Variants in PAK1 observed in about 807,000 individuals in gnomAD.
PAK1 encodes serine/threonine-protein kinase PAK 1.
Under a neutral mutation model 67.4 loss-of-function variants are expected in PAK1, and 29 were observed. The observed-to-expected ratio is 0.43, with a 90% CI of 0.32 to 0.59. The LOEUF (loss-of-function observed/expected upper bound fraction) is 0.59, where lower values mean the gene tolerates loss of function less well. Ranked by LOEUF, PAK1 falls within the 20% of genes least tolerant of loss-of-function variation. The pLI is 0.07. For synonymous variants in PAK1, 223 were observed against 237.4 expected (o/e 0.94, Z 0.56); for missense variants, 337 against 670.7 (o/e 0.50, Z 5.50).
the PAK1 span, among the ~76,000 whole-genome samples, chr11:77,523,012 G>A: frequency 3.9e-5 from 6 of 152,104 alleles, no homozygotes; most frequent in Non-Finnish European, 8.8e-5. Flanking sequence ...AAGTGGGAGC[G>A]AAACACTGGG....
At chr11:77,325,177 C>G in intron 14 of PAK1, 1 of 777,470 alleles carries the variant, frequency 1.3e-6, no homozygotes, top group Middle Eastern at 3.5e-4. Context: ...ATTGGGAGGC[C>G]TCAGTTTCCT....
At chr11:77,524,157 A>G in the PAK1 span, among the ~76,000 whole-genome samples, 1 of 152,228 alleles carries the variant, frequency 6.6e-6, no homozygotes, top group African/African-American at 2.4e-5. Flanking sequence ...AAAGAATAAA[A>G]CATCGTTGGA....
At chr11:77,423,433 A>ACC (rs2138213609) in intron 1 of PAK1, among the ~76,000 whole-genome samples, 1 of 151,604 alleles carries the variant, frequency 6.6e-6, no homozygotes, top group East Asian at 1.9e-4. Flanking sequence ...ACACACACAC[A>ACC]CACACACACC....
chr11:77,379,432 G>C, intron 3 of PAK1, 44 bp from the exon 4 acceptor site: 4 of 1,578,014 alleles, frequency 2.5e-6, no homozygotes, highest in Middle Eastern at 2.2e-4. Flanking sequence ...CACAGTCACA[G>C]GGGAGCCTGA....
intron 5 of PAK1, among the ~76,000 whole-genome samples, chr11:77,363,374 G>T (rs965157751): frequency 6.6e-6 from 1 of 152,170 alleles, no homozygotes; most frequent in African/African-American, 2.4e-5. Flanking sequence ...AGATCAACTT[G>T]ATACTTTTCC....
intron 2 of PAK1, among the ~76,000 whole-genome samples, chr11:77,389,853 G>C (rs571448743): frequency 1.2e-4 from 19 of 152,198 alleles, no homozygotes; most frequent in Admixed American, 9.8e-4. Flanking sequence ...AATGTTTTTA[G>C]TTTTGATGAT....
chr11:77,430,906 G>A (rs972471322), intron 1 of PAK1, among the ~76,000 whole-genome samples: 1 of 152,234 alleles, frequency 6.6e-6, no homozygotes, highest in Non-Finnish European at 1.5e-5. Context: ...AAGGGGACAA[G>A]GGAGCAAAGC....
chr11:77,385,536 T>C (rs1343705983), intron 2 of PAK1, among the ~76,000 whole-genome samples: 1 of 152,170 alleles, frequency 6.6e-6, no homozygotes, highest in Non-Finnish European at 1.5e-5. Context: ...AAGACTTATA[T>C]CTAAATAAGG....
At chr11:77,475,029 G>A (rs1958036216), upstream of PAK1, 1 of 152,178 alleles carries the variant, frequency 6.6e-6, no homozygotes, top group South Asian at 2.1e-4. Flanking sequence ...GTAATAATAA[G>A]TAGTACCTTA....
intron 1 of PAK1, among the ~76,000 whole-genome samples, chr11:77,453,425 GGA>G (rs1956946327): frequency 6.6e-6 from 1 of 151,598 alleles, no homozygotes; most frequent in African/African-American, 2.4e-5. Context: ...ATAAAGCAAA[GGA>G]GAGAGTCCAA....
the PAK1 span, among the ~76,000 whole-genome samples, chr11:77,506,715 GTTTA>G: frequency 2.0e-5 from 3 of 152,164 alleles, no homozygotes; most frequent in South Asian, 2.1e-4. Context: ...ACATATGGTG[GTTTA>G]TTTATTTATT....
chr11:77,323,889 C>G (rs746174631), intron 14 of PAK1, among the ~76,000 whole-genome samples: 12 of 152,102 alleles, frequency 7.9e-5, no homozygotes, highest in Non-Finnish European at 1.6e-4. Flanking sequence ...TGGTGATAAT[C>G]AGAATAATAA....
chr11:77,477,915 C>G (rs191811266), upstream of PAK1, among the ~76,000 whole-genome samples: 1 of 152,112 alleles, frequency 6.6e-6, no homozygotes, highest in Non-Finnish European at 1.5e-5. Flanking sequence ...AGCGTGAAAC[C>G]GTGTCTCAAA....
intron 1 of PAK1, among the ~76,000 whole-genome samples, chr11:77,463,881 C>A (rs572973147): frequency 6.6e-6 from 1 of 152,268 alleles, no homozygotes; most frequent in Admixed American, 6.5e-5. Flanking sequence ...CCAGCATTAT[C>A]CAACTGAAAG....
the PAK1 span, among the ~76,000 whole-genome samples, chr11:77,489,739 G>C: frequency 1.3e-5 from 2 of 151,412 alleles, no homozygotes; most frequent in Non-Finnish European, 2.9e-5. Flanking sequence ...ACGAAGTCTC[G>C]TTCACTCAGT....
intron 1 of PAK1, among the ~76,000 whole-genome samples, chr11:77,406,951 C>T (rs531181682): frequency 1.3e-5 from 2 of 152,260 alleles, no homozygotes; most frequent in African/African-American, 4.8e-5. Context: ...ATAGGTGCTG[C>T]ATGAATCCAG....
At chr11:77,344,070 C>T (rs976116379) in intron 9 of PAK1, 139 bp from the exon 10 acceptor site, 12 of 616,404 alleles carry the variant, frequency 1.9e-5, no homozygotes, top group Non-Finnish European at 2.9e-5. Context: ...CACAGTTTGT[C>T]TATGTAGACC....
the PAK1 span, among the ~76,000 whole-genome samples, chr11:77,481,272 A>T: frequency 6.6e-6 from 1 of 152,224 alleles, no homozygotes; most frequent in Non-Finnish European, 1.5e-5. Context: ...AAAATGTGAT[A>T]AAAAATCTCC....
chr11:77,516,502 T>C, the PAK1 span, among the ~76,000 whole-genome samples: 10 of 152,340 alleles, frequency 6.6e-5, no homozygotes, highest in African/African-American at 2.4e-4. Context: ...ACTTAGAACA[T>C]ATTAAGCAGT....
Sources: gnomAD v4.1 joint callset for allele counts (sites outside exome capture counted in the v4.1 genomes callset) on GRCh38, gnomAD v4.1.1 for gene constraint, MANE v1.5 for transcripts, NCBI Gene and HGNC (gene_info 2026-07-23, HGNC 2026-07-21) for gene names.